ZMYM2: variants seen among roughly 807,000 people sequenced by gnomAD.
ZMYM2 encodes the protein zinc finger MYM-type containing 2.
In ZMYM2, 56 loss-of-function variants were observed where a neutral mutation model predicts 162.8. The observed-to-expected ratio is 0.34, with a 90% CI of 0.28 to 0.43. The LOEUF is 0.43. ZMYM2 is among the 20% of genes least tolerant of loss of function. The pLI is 1.00. For synonymous variants in ZMYM2, 510 were observed against 541.6 expected (o/e 0.94, Z 0.81); for missense variants, 1,275 against 1,621.8 (o/e 0.79, Z 3.67).
chr13:19,959,131 G>C (rs1427481271), intron 1 of ZMYM2, among the ~76,000 whole-genome samples: 1 of 149,582 alleles, frequency 6.7e-6, no homozygotes, highest in Non-Finnish European at 1.5e-5. Flanking sequence ...GGCCGGGAGG[G>C]CTGGGTGAGG....
Position 19,997,300 on chromosome 13 carries a change from A to G in ZMYM2, c.847+3381A>G, listed in dbSNP as rs367894749. Among the ~76,000 whole-genome samples, 170 of 152,248 alleles carry G rather than the reference A, an allele frequency of 1.1e-3. 1 individual carries two copies. The Middle Eastern group carries it at 0.017, about 15-fold the overall frequency. On this transcript the variant is annotated intron_variant, in intron 3 of 24. Coordinates refer to ENST00000610343, the MANE Select transcript of ZMYM2 (RefSeq NM_197968.4). ...TGCTGTTGTAGGTCTATGATGAAAT[A>G]TTTGTTCACATTCCTGATTATTTCC...
chr13:19,906,538 ATTT>A, the ZMYM2 span, among the ~76,000 whole-genome samples: 14,043 of 138,216 alleles, frequency 0.1, 823 homozygotes, highest in Non-Finnish European at 0.12. Flanking sequence ...ATATATATAT[ATTT>A]TTTTTGTTTT....
At chr13:20,066,249 C>G (rs933487255) in intron 19 of ZMYM2, among the ~76,000 whole-genome samples, 3 of 152,002 alleles carry the variant, frequency 2.0e-5, no homozygotes, top group South Asian at 2.1e-4. Context: ...TACAGATGAC[C>G]GTTGTACAAT....
chr13:19,926,360 ATTTTTT>A, the ZMYM2 span, among the ~76,000 whole-genome samples: 1 of 105,440 alleles, frequency 9.5e-6, no homozygotes, highest in African/African-American at 3.6e-5. Flanking sequence ...AGGACTACTT[ATTTTTT>A]TTTTTTTTTT....
intron 6 of ZMYM2, among the ~76,000 whole-genome samples, chr13:20,017,958 G>T (rs565161939): frequency 6.6e-6 from 1 of 152,098 alleles, no homozygotes; most frequent in Admixed American, 6.5e-5. Flanking sequence ...CATGATAAAT[G>T]ATTTTTTTAT....
Position 20,064,508 on chromosome 13 carries a change from A to C in ZMYM2, c.3095A>C (p.Glu1032Ala), listed in dbSNP as rs1408693240. Residue 1032 changes from glutamate (E) to alanine (A), a missense_variant, in exon 19 of 25, where the codon GAA becomes GCA. Physicochemically the swap from Glu to Ala is moderately radical, Grantham distance 107 (BLOSUM62 -1). This residue lies in a region of ZMYM2 where 229 missense variants were observed against 283.8 expected (regional missense o/e 0.81). Coordinates refer to ENST00000610343, the MANE Select transcript of ZMYM2 (RefSeq NM_197968.4). ...TTATTACCACCTGTTTTTGGCGAAG[A>C]ATATGAGGAACAGCCCAGACCTCGA... is the stretch of plus-strand genomic sequence containing the variant. ...EFLLPPVFGE[E>A]YEEQPRPRSK... 6.3e-7 allele frequency: 1 copy of C among 1,598,826 alleles called. No homozygotes were observed. The highest frequency in any genetic ancestry group is 8.5e-7 in the Non-Finnish European group (1 of 1,172,608).
chr13:20,046,545 C>T (rs1954797072), intron 12 of ZMYM2, among the ~76,000 whole-genome samples: 2 of 94,710 alleles, frequency 2.1e-5, no homozygotes, highest in African/African-American at 3.6e-5. Flanking sequence ...CACAGTAAGA[C>T]TTTGTCTCTA....
At chr13:19,987,299 C>T (rs1424553261) in intron 2 of ZMYM2, among the ~76,000 whole-genome samples, 2 of 151,414 alleles carry the variant, frequency 1.3e-5, no homozygotes, top group Non-Finnish European at 2.9e-5. Flanking sequence ...AGTCTCTCAC[C>T]GTCGCCCAGG....
the ZMYM2 span, among the ~76,000 whole-genome samples, chr13:19,951,527 T>TAAAA: frequency 0.42 from 31,612 of 75,582 alleles, 7,458 homozygotes; most frequent in African/African-American, 0.48. Context: ...CCATCTCTAC[T>TAAAA]AAAAAAAAAA....
At position 20,057,298 on chromosome 13, in the gene ZMYM2, T is replaced by A. The variant is rs552258795; in HGVS notation, c.2494-1277T>A. Among the ~76,000 whole-genome samples the A allele has an allele frequency of 4.0e-5, 6 of 151,702 alleles. No homozygotes were observed. The South Asian group carries it at 6.3e-4, about 16-fold the overall frequency. Reference sequence around the variant, plus strand: ...TTTATTTATTTTTATTTTTATTTATTTATTTATTTTTGTATTTTTAGTAGA... The same window carrying A: ...TTTATTTATTTTTATTTTTATTTATATATTTATTTTTGTATTTTTAGTAGA... On this transcript the variant is annotated intron_variant, in intron 14 of 24. Coordinates refer to ENST00000610343, the MANE Select transcript of ZMYM2 (RefSeq NM_197968.4).
At chr13:20,064,274 T>C (rs1370872098) in intron 18 of ZMYM2, among the ~76,000 whole-genome samples, 177 bp from the exon 19 acceptor site, 1 of 152,164 alleles carries the variant, frequency 6.6e-6, no homozygotes, top group African/African-American at 2.4e-5. Flanking sequence ...GTTTGAACAG[T>C]GTTTGTCAGA....
chr13:19,897,136 G>T, the ZMYM2 span, among the ~76,000 whole-genome samples: 1 of 151,522 alleles, frequency 6.6e-6, no homozygotes, highest in Non-Finnish European at 1.5e-5. Flanking sequence ...AATGATGATT[G>T]CTAGGGATTG....
At chr13:20,070,272 C>G in intron 21 of ZMYM2, 1 of 185,968 alleles carries the variant, frequency 5.4e-6, no homozygotes, top group Non-Finnish European at 1.2e-5. Context: ...TCACCACTAG[C>G]CAGTTCGTTA....
the ZMYM2 span, among the ~76,000 whole-genome samples, chr13:19,935,991 C>A: frequency 5.3e-5 from 8 of 152,234 alleles, no homozygotes; most frequent in South Asian, 2.1e-4. Flanking sequence ...ATCATAGGAG[C>A]GTTTCAAAAC....
chr13:19,893,723 G>C, the ZMYM2 span, among the ~76,000 whole-genome samples: 1 of 151,790 alleles, frequency 6.6e-6, no homozygotes, highest in Non-Finnish European at 1.5e-5. Context: ...CTGGGCGACA[G>C]AGTGAGACTC....
chr13:19,964,733 C>G (rs1221254616), intron 2 of ZMYM2, among the ~76,000 whole-genome samples: 5 of 150,312 alleles, frequency 3.3e-5, no homozygotes, highest in African/African-American at 1.2e-4. Context: ...TTTTTTCTCT[C>G]TAAGTGTTCC....
the ZMYM2 span, among the ~76,000 whole-genome samples, chr13:19,925,405 TC>T: frequency 6.6e-6 from 1 of 152,208 alleles, no homozygotes; most frequent in Admixed American, 6.5e-5. Context: ...TATGCTTTTT[TC>T]CCTTAAATGT....
At chr13:19,969,403 G>A (rs1023499729) in intron 2 of ZMYM2, among the ~76,000 whole-genome samples, 8 of 152,198 alleles carry the variant, frequency 5.3e-5, no homozygotes, top group African/African-American at 1.2e-4. Context: ...GCTGTGTGCC[G>A]TAGGAGATTT....
At chr13:20,002,169 A>G (rs371039996) in intron 3 of ZMYM2, among the ~76,000 whole-genome samples, 2 of 152,242 alleles carry the variant, frequency 1.3e-5, no homozygotes, top group East Asian at 3.8e-4. Flanking sequence ...GGAAATAATT[A>G]TAAACTTTAT....
Sources: allele counts gnomAD v4.1 joint callset (sites outside exome capture counted in the v4.1 genomes callset), GRCh38; gene constraint gnomAD v4.1.1; regional missense constraint gnomAD v4.1.1; transcripts MANE v1.5; gene names NCBI Gene and HGNC (gene_info 2026-07-23, HGNC 2026-07-21).